Variants in MECOM observed in about 807,000 individuals in gnomAD.
MECOM encodes the protein MDS1 and EVI1 complex locus, also known as histone-lysine N-methyltransferase MECOM.
A neutral mutation model predicts 116.3 loss-of-function variants in MECOM; 13 were observed. The observed-to-expected ratio is 0.11, with a 90% CI of 0.07 to 0.18. The LOEUF is 0.18. MECOM is among the 10% of genes least tolerant of loss of function. MECOM has a pLI of 1.00. For missense variants in MECOM, 1,299 were observed against 1,509.0 expected (o/e 0.86, Z 2.31); for synonymous variants, 528 against 535.2 (o/e 0.99, Z 0.19).
intron 2 of MECOM, among the ~76,000 whole-genome samples, chr3:169,298,820 G>C (rs1285482268): frequency 6.6e-6 from 1 of 152,182 alleles, no homozygotes; most frequent in African/African-American, 2.4e-5. Context: ...ATGACCGAAT[G>C]TGTGGTTTCA....
At chr3:169,097,534 G>A (rs928025480) in intron 12 of MECOM, among the ~76,000 whole-genome samples, 1 of 152,048 alleles carries the variant, frequency 6.6e-6, no homozygotes, top group African/African-American at 2.4e-5. Context: ...AAACGCTGAA[G>A]TGAGAGCTCT....
At chr3:169,288,243 T>A (rs891002648) in intron 2 of MECOM, among the ~76,000 whole-genome samples, 13 of 146,472 alleles carry the variant, frequency 8.9e-5, no homozygotes, top group African/African-American at 3.2e-4. Context: ...AAAAAAAAAA[T>A]CTTGATAATT....
At chr3:169,281,202 G>A (rs142191402) in intron 2 of MECOM, among the ~76,000 whole-genome samples, 8 of 152,218 alleles carry the variant, frequency 5.3e-5, no homozygotes, top group Admixed American at 2.6e-4. Flanking sequence ...ATGCTGAATC[G>A]GATTCTGCGT....
At chr3:169,422,098 G>C (rs1365435814) in intron 1 of MECOM, among the ~76,000 whole-genome samples, 1 of 151,958 alleles carries the variant, frequency 6.6e-6, no homozygotes, top group Non-Finnish European at 1.5e-5. Flanking sequence ...AAAAAAGATA[G>C]ATGTTATCCT....
chr3:169,629,015 G>C (rs111794644), intron 1 of MECOM, among the ~76,000 whole-genome samples: 4,314 of 151,914 alleles, frequency 0.028, 201 homozygotes, highest in African/African-American at 0.098. Context: ...GTAGATTTCT[G>C]TGGTGTTTGA....
intron 1 of MECOM, among the ~76,000 whole-genome samples, chr3:169,449,050 C>A (rs1181057497): frequency 1.3e-5 from 2 of 152,038 alleles, no homozygotes; most frequent in East Asian, 3.9e-4. Flanking sequence ...ATATAAAGAC[C>A]TTAACATTTT....
At chr3:169,277,935 C>CA in intron 2 of MECOM, among the ~76,000 whole-genome samples, 1 of 152,316 alleles carries the variant, frequency 6.6e-6, no homozygotes, top group South Asian at 2.1e-4. Flanking sequence ...ATGGACGTCT[C>CA]AGAGTTTTCT....
intron 2 of MECOM, among the ~76,000 whole-genome samples, chr3:169,296,820 A>T (rs1715698135): frequency 6.6e-6 from 1 of 152,242 alleles, no homozygotes; most frequent in Non-Finnish European, 1.5e-5. Context: ...TGTTTTAATC[A>T]TACAGAATAT....
chr3:169,437,796 A>T (rs1742912430), intron 1 of MECOM, among the ~76,000 whole-genome samples: 1 of 152,192 alleles, frequency 6.6e-6, no homozygotes, highest in South Asian at 2.1e-4. Flanking sequence ...TTTTCCTTAA[A>T]AGCAATTAGA....
intron 2 of MECOM, among the ~76,000 whole-genome samples, chr3:169,362,452 C>A (rs553335537): frequency 6.6e-6 from 1 of 151,854 alleles, no homozygotes. Context: ...GCCCAGTTTT[C>A]ATTCCAGTGT....
At chr3:169,409,578 A>T (rs889294540) in intron 1 of MECOM, among the ~76,000 whole-genome samples, 1 of 152,204 alleles carries the variant, frequency 6.6e-6, no homozygotes, top group Non-Finnish European at 1.5e-5. Flanking sequence ...CCTGCTTTAA[A>T]CAGAGTAGTT....
chr3:169,351,095 T>C (rs1726243083), intron 2 of MECOM, among the ~76,000 whole-genome samples: 1 of 151,918 alleles, frequency 6.6e-6, no homozygotes, highest in Non-Finnish European at 1.5e-5. Flanking sequence ...TCATTCATTA[T>C]ATTCTTTACA....
intron 1 of MECOM, among the ~76,000 whole-genome samples, chr3:169,443,497 G>A (rs1205090862): frequency 1.3e-5 from 2 of 152,146 alleles, no homozygotes; most frequent in African/African-American, 4.8e-5. Context: ...CAATCACAGT[G>A]TTAAGAAGCA....
At chr3:169,122,396 G>A (rs1017452344) in intron 6 of MECOM, among the ~76,000 whole-genome samples, 184 bp downstream of exon 6, 4 of 152,108 alleles carry the variant, frequency 2.6e-5, no homozygotes, top group African/African-American at 9.7e-5. Flanking sequence ...AAAATAAAAG[G>A]ATACCCACTA....
At chr3:169,221,657 T>C (rs1251390196) in intron 2 of MECOM, among the ~76,000 whole-genome samples, 2 of 151,846 alleles carry the variant, frequency 1.3e-5, no homozygotes, top group Non-Finnish European at 2.9e-5. Context: ...TAAGAATTCA[T>C]CTGGCTGTCA....
rs1040566296 is a variant in MECOM, at chr3:169,084,530, G to C, written c.*379C>G. On this transcript the variant is annotated 3_prime_UTR_variant, in exon 17 of 17. Coordinates refer to ENST00000651503, the MANE Select transcript of MECOM (RefSeq NM_004991.4). Reference sequence around the variant, plus strand: ...GTGATCTTGTACAAAAGAGAATTCAGTTTCTATGGAGTGTTCATTCATATC... The same window carrying C: ...GTGATCTTGTACAAAAGAGAATTCACTTTCTATGGAGTGTTCATTCATATC... 4.1e-6 allele frequency: 1 copy of C among 245,238 alleles called. No individual in the cohort carries two copies. Among genetic ancestry groups the C allele is most frequent in the African/African-American group, 2.2e-5 (1 of 45,742 alleles). 15.2% of individuals were successfully genotyped at this position (245,238 alleles called of 1,614,324 possible). A position where few individuals can be genotyped will look rare whatever the true frequency, so the allele number is the denominator to read the frequency against.
At chr3:169,415,855 G>A (rs539781539) in intron 1 of MECOM, among the ~76,000 whole-genome samples, 1 of 152,146 alleles carries the variant, frequency 6.6e-6, no homozygotes, top group Non-Finnish European at 1.5e-5. Flanking sequence ...CCCAATACAG[G>A]AGCAACGAGA....
intron 1 of MECOM, among the ~76,000 whole-genome samples, chr3:169,623,621 G>A (rs1340312475): frequency 6.6e-6 from 1 of 152,042 alleles, no homozygotes; most frequent in Non-Finnish European, 1.5e-5. Context: ...CTGGAGGATT[G>A]TGGTTTACAT....
chr3:169,348,297 G>T (rs1034926675), intron 2 of MECOM, among the ~76,000 whole-genome samples: 1 of 152,044 alleles, frequency 6.6e-6, no homozygotes, highest in Non-Finnish European at 1.5e-5. Context: ...GTTTCTGGGT[G>T]TGGAGTGTGA....
Sources: gnomAD v4.1 joint callset for allele counts (sites outside exome capture counted in the v4.1 genomes callset) on GRCh38, gnomAD v4.1.1 for gene constraint, MANE v1.5 for transcripts, NCBI Gene and HGNC (gene_info 2026-07-23, HGNC 2026-07-21) for gene names.